Variants in SLC14A2 observed in about 807,000 individuals in gnomAD.
SLC14A2 encodes the protein urea transporter 2.
A neutral mutation model predicts 104.6 loss-of-function variants in SLC14A2; 91 were observed. The observed-to-expected ratio is 0.87, with a 90% CI of 0.73 to 1.04. The LOEUF is 1.04. Among genes scored for constraint, SLC14A2 ranks in the 50% least tolerant of loss-of-function variants. The pLI is 0.00. For missense variants in SLC14A2, 1,189 were observed against 1,156.0 expected (o/e 1.03, Z -0.41); for synonymous variants, 476 against 466.4 (o/e 1.02, Z -0.27).
chr18:45,661,770 C>T (rs1307499643), intron 10 of SLC14A2, among the ~76,000 whole-genome samples: 1 of 152,190 alleles, frequency 6.6e-6, no homozygotes, highest in African/African-American at 2.4e-5. Context: ...GGGAGAACGC[C>T]CCACTTGGTC....
intron 2 of SLC14A2, among the ~76,000 whole-genome samples, chr18:45,576,028 T>C (rs1354290673): frequency 2.0e-5 from 3 of 152,224 alleles, no homozygotes; most frequent in Non-Finnish European, 1.5e-5. Flanking sequence ...TAAAGAGTCA[T>C]AAATAGTGAT....
In SLC14A2 at chr18:45,347,429, G is replaced by A. The variant is rs190431473; in HGVS notation, c.-125+134238G>A. Among the ~76,000 whole-genome samples, 24 of 152,324 alleles carry A rather than the reference G, an allele frequency of 1.6e-4. No homozygotes were observed. The East Asian group carries it at 4.2e-3, about 27-fold the overall frequency. ...CATTGATTCATGTTCATAGTATGAA[G>A]TAGAGATCCAATATTTGACTTTATT... On this transcript the variant is annotated intron_variant, in intron 1 of 20. Coordinates refer to the SLC14A2 transcript ENST00000586448.
intron 1 of SLC14A2, among the ~76,000 whole-genome samples, chr18:45,336,183 A>T (rs1011145707): frequency 6.6e-6 from 1 of 152,204 alleles, no homozygotes; most frequent in African/African-American, 2.4e-5. Context: ...TGCAACATGT[A>T]CCACCTGGAC....
intron 1 of SLC14A2, among the ~76,000 whole-genome samples, chr18:45,279,670 G>A (rs79258392): frequency 1.2e-4 from 19 of 152,026 alleles, no homozygotes; most frequent in African/African-American, 4.4e-4. Flanking sequence ...TACCAAGCAG[G>A]TGATGACTTT....
chr18:45,648,372 A>AT (rs1313551633), intron 10 of SLC14A2, among the ~76,000 whole-genome samples: 2 of 151,830 alleles, frequency 1.3e-5, no homozygotes, highest in East Asian at 1.9e-4. Flanking sequence ...CGACCAGCTA[A>AT]TTTTTTGTAT....
intron 8 of SLC14A2, 121 bp from the exon 9 acceptor site, chr18:45,643,011 T>C: frequency 2.4e-6 from 2 of 819,058 alleles, no homozygotes. Flanking sequence ...GTGCAGAATC[T>C]GAGGCTGCAG....
At chr18:45,340,411 G>A (rs941193635) in intron 1 of SLC14A2, among the ~76,000 whole-genome samples, 1 of 152,192 alleles carries the variant, frequency 6.6e-6, no homozygotes, top group African/African-American at 2.4e-5. Context: ...GAGACAAATA[G>A]CTGCCATACT....
At chr18:45,534,171 TA>T (rs1427464640) in intron 2 of SLC14A2, among the ~76,000 whole-genome samples, 2 of 152,080 alleles carry the variant, frequency 1.3e-5, no homozygotes, top group African/African-American at 2.4e-5. Flanking sequence ...GGGAGAGACC[TA>T]AAGGGTTCAT....
intron 1 of SLC14A2, among the ~76,000 whole-genome samples, chr18:45,477,614 C>T (rs1004210346): frequency 6.6e-5 from 10 of 152,158 alleles, no homozygotes; most frequent in East Asian, 1.9e-4. Context: ...CTTTGTCCCA[C>T]GGAGATGGGA....
intron 2 of SLC14A2, among the ~76,000 whole-genome samples, chr18:45,593,013 T>C (rs752122723): frequency 2.0e-5 from 3 of 152,196 alleles, no homozygotes; most frequent in Non-Finnish European, 4.4e-5. Context: ...AGACCAGAGC[T>C]GTCCAATAGA....
chr18:45,461,371 T>C lies in SLC14A2; in HGVS notation c.-124-21862T>C, dbSNP rs748053545. On this transcript the variant is annotated intron_variant, in intron 1 of 20. Transcript: ENST00000586448. ...GGATAGGAGCTGCCTAGGTTGGGTGTAATTGAGCAATTAATTAGTGAGAAT... is the reference window on the plus strand; with the variant it reads ...GGATAGGAGCTGCCTAGGTTGGGTGCAATTGAGCAATTAATTAGTGAGAAT... 3.9e-5 allele frequency among the ~76,000 whole-genome samples: 6 copies of C among 152,146 alleles called. No individual in the cohort carries two copies. In the South Asian group the frequency reaches 6.2e-4, roughly 16 times the overall value.
At chr18:45,255,890 A>G (rs2084472632) in intron 1 of SLC14A2, among the ~76,000 whole-genome samples, 1 of 152,058 alleles carries the variant, frequency 6.6e-6, no homozygotes, top group East Asian at 1.9e-4. Context: ...CCTCTCAGAA[A>G]CCTCCAGGCA....
chr18:45,365,770 T>C (rs2247691), intron 1 of SLC14A2, among the ~76,000 whole-genome samples: 74,981 of 152,000 alleles, frequency 0.49, 22,246 homozygotes, highest in African/African-American at 0.84. Flanking sequence ...CAAATCACAG[T>C]GCTACCACCT....
Position 45,641,208 on chromosome 18 carries a change from G to A in SLC14A2, c.992-1G>A. The A allele has an allele frequency of 6.2e-7, 1 of 1,613,986 alleles. No homozygotes were observed. Among genetic ancestry groups the A allele is most frequent in the African/African-American group, 1.3e-5 (1 of 75,034 alleles). ...CAGAAATACCACACCTTGTCCCATAGCCCTGTCAGTGGCCACACCCTTCGA... is the reference window on the plus strand; with the variant it reads ...CAGAAATACCACACCTTGTCCCATAACCCTGTCAGTGGCCACACCCTTCGA... On this transcript the variant is annotated splice_acceptor_variant, in intron 7 of 19. Transcript: ENST00000255226. LOFTEE classifies it high-confidence loss of function.
intron 1 of SLC14A2, among the ~76,000 whole-genome samples, chr18:45,250,646 A>G (rs1002848106): frequency 6.6e-6 from 1 of 152,090 alleles, no homozygotes; most frequent in Non-Finnish European, 1.5e-5. Flanking sequence ...TTCCATGGGA[A>G]ACCCACTGAA....
intron 1 of SLC14A2, among the ~76,000 whole-genome samples, chr18:45,352,185 G>C (rs530255868): frequency 6.6e-6 from 1 of 152,220 alleles, no homozygotes; most frequent in South Asian, 2.1e-4. Context: ...CAGTCACCAG[G>C]AAATACTTCA....
At chr18:45,306,144 G>A (rs979218480) in intron 1 of SLC14A2, among the ~76,000 whole-genome samples, 1 of 152,082 alleles carries the variant, frequency 6.6e-6, no homozygotes, top group Admixed American at 6.6e-5. Flanking sequence ...GAGATATTGG[G>A]CAGGAACACA....
chr18:45,457,346 T>C (rs957021054), intron 1 of SLC14A2, among the ~76,000 whole-genome samples: 32 of 152,134 alleles, frequency 2.1e-4, no homozygotes. Context: ...TTGAGGCATG[T>C]CCCTGGTGGT....
chr18:45,321,162 C>G (rs1418378005), intron 1 of SLC14A2, among the ~76,000 whole-genome samples: 1 of 152,158 alleles, frequency 6.6e-6, no homozygotes, highest in African/African-American at 2.4e-5. Context: ...TTTATAAAGG[C>G]AAATCCCTGG....
Sources: gnomAD v4.1 joint callset for allele counts (sites outside exome capture counted in the v4.1 genomes callset) on GRCh38, gnomAD v4.1.1 for gene constraint, MANE v1.5 for transcripts, NCBI Gene and HGNC (gene_info 2026-07-23, HGNC 2026-07-21) for gene names.